Variants in DPP10 observed in about 807,000 individuals in gnomAD.
DPP10 encodes inactive dipeptidyl peptidase 10.
A neutral mutation model predicts 120.9 loss-of-function variants in DPP10; 33 were observed. That is an observed-to-expected ratio of 0.27 (90% CI 0.21 to 0.37). The LOEUF is 0.37. DPP10 is among the 10% of genes least tolerant of loss of function. The pLI, the probability that DPP10 is intolerant of heterozygous loss-of-function variation, is 1.00. For missense variants in DPP10, 816 were observed against 942.8 expected, an observed-to-expected ratio of 0.87 and a Z score of 1.76; for synonymous variants, 337 against 326.1, an observed-to-expected ratio of 1.03 and a Z score of -0.36.
At chr2:114,987,641 T>G (rs1212861740) in intron 1 of DPP10, among the ~76,000 whole-genome samples, 1 of 152,086 alleles carries the variant, frequency 6.6e-6, no homozygotes, top group Non-Finnish European at 1.5e-5. Context: ...ACTCTTACTT[T>G]CGAATGGAAA....
At chr2:115,636,967 C>T (rs2086389469) in intron 5 of DPP10, among the ~76,000 whole-genome samples, 1 of 152,062 alleles carries the variant, frequency 6.6e-6, no homozygotes, top group Non-Finnish European at 1.5e-5. Context: ...CATTAGAAAC[C>T]TAAATACAAT....
At chr2:115,571,003 T>C (rs1283861036) in intron 5 of DPP10, among the ~76,000 whole-genome samples, 1 of 152,124 alleles carries the variant, frequency 6.6e-6, no homozygotes, top group Non-Finnish European at 1.5e-5. Context: ...GTAAATCAGG[T>C]TGTGGAAATG....
chr2:114,607,909 T>C (rs1309906048), intron 1 of DPP10, among the ~76,000 whole-genome samples: 1 of 152,210 alleles, frequency 6.6e-6, no homozygotes, highest in African/African-American at 2.4e-5. Flanking sequence ...CAAGGAAGAA[T>C]CTTGTCCATC....
intron 1 of DPP10, among the ~76,000 whole-genome samples, chr2:114,682,845 A>G (rs1175441437): frequency 6.6e-6 from 1 of 151,600 alleles, no homozygotes; most frequent in East Asian, 1.9e-4. Flanking sequence ...TATAGATTTA[A>G]TATCTCCAAT....
chr2:115,273,931 G>A (rs1159275669), intron 1 of DPP10, among the ~76,000 whole-genome samples: 1 of 152,124 alleles, frequency 6.6e-6, no homozygotes, highest in African/African-American at 2.4e-5. Context: ...TACAGAGTTA[G>A]CCCACTCGTA....
intron 1 of DPP10, among the ~76,000 whole-genome samples, chr2:115,053,033 T>A (rs531959545): frequency 2.0e-5 from 3 of 150,392 alleles, no homozygotes; most frequent in African/African-American, 7.4e-5. Context: ...TTATTGGGAG[T>A]ATAAAATGAT....
intron 7 of DPP10, among the ~76,000 whole-genome samples, chr2:115,697,856 G>T (rs561642559): frequency 6.6e-6 from 1 of 152,184 alleles, no homozygotes; most frequent in African/African-American, 2.4e-5. Flanking sequence ...GTGGTGGCGG[G>T]CGCCTGTAGT....
intron 5 of DPP10, among the ~76,000 whole-genome samples, chr2:115,551,624 A>G (rs958544818): frequency 6.6e-6 from 1 of 152,164 alleles, no homozygotes; most frequent in Admixed American, 6.6e-5. Flanking sequence ...ATAACATGAC[A>G]TTCCAGTTTG....
At position 115,421,796 on chromosome 2, in the gene DPP10, G is replaced by A. The variant is rs372487845; in HGVS notation, c.272-77714G>A. On this transcript the variant is annotated intron_variant, in intron 3 of 25. Transcript: ENST00000410059. ...TGAGGCAGGAGAATCGCTTGAACCC[G>A]GGAAGCAGAGGTTGCAGTGAGCCGA... Among the ~76,000 whole-genome samples, 167 of 146,022 alleles carry A rather than the reference G, an allele frequency of 1.1e-3. 7 individuals carry two copies. The South Asian group carries it at 0.034, about 30-fold the overall frequency.
chr2:114,747,452 A>G (rs1308029218), intron 1 of DPP10, among the ~76,000 whole-genome samples: 1 of 152,202 alleles, frequency 6.6e-6, no homozygotes, highest in African/African-American at 2.4e-5. Flanking sequence ...TCCATCACTT[A>G]GCTGCATTCA....
chr2:115,453,399 G>T (rs2073277298), intron 3 of DPP10, among the ~76,000 whole-genome samples: 1 of 151,154 alleles, frequency 6.6e-6, no homozygotes, highest in Admixed American at 6.6e-5. Context: ...CTGAGATTTT[G>T]CAAAGTCTAT....
At chr2:115,728,885 G>T (rs944026595) in intron 8 of DPP10, among the ~76,000 whole-genome samples, 6 of 152,110 alleles carry the variant, frequency 3.9e-5, no homozygotes, top group South Asian at 2.1e-4. Context: ...GTATATTTAC[G>T]TGAAATATTT....
Position 115,309,233 on chromosome 2 carries a change from C to T in DPP10, c.61-6C>T. 27 of 1,607,582 alleles carry T rather than the reference C, an allele frequency of 1.7e-5. No individual in the cohort carries two copies. Among genetic ancestry groups the T allele is most frequent in the East Asian group, 2.2e-5 (1 of 44,682 alleles). ...AATTACAAAACTTTTTTTTCTATCT[C>T]GGTAGGAACTGGGAAGTAACAGCCC... On this transcript the variant is annotated splice_polypyrimidine_tract_variant and splice_region_variant and intron_variant, in intron 1 of 25. Coordinates refer to ENST00000410059, the MANE Select transcript of DPP10 (RefSeq NM_020868.6).
rs1374992387 is a variant in DPP10 at position 114,990,472 on chromosome 2, T to C, written c.61-318767T>C. 3.3e-5 allele frequency among the ~76,000 whole-genome samples: 5 copies of C among 152,178 alleles called. 1 individual carries two copies. Among genetic ancestry groups the C allele is most frequent in the African/African-American group, 1.2e-4 (5 of 41,462 alleles). ...ATTTTACTGCCTTCATTACCTACAATTTGTTTGTGATTCTCCAGATTCCTT... is the reference window on the plus strand; with the variant it reads ...ATTTTACTGCCTTCATTACCTACAACTTGTTTGTGATTCTCCAGATTCCTT... On this transcript the variant is annotated intron_variant, in intron 1 of 25. Transcript: ENST00000410059.
chr2:115,402,949 G>GTATATA (rs59185016), intron 3 of DPP10, among the ~76,000 whole-genome samples: 50 of 140,978 alleles, frequency 3.5e-4, no homozygotes, highest in African/African-American at 1.3e-3. Flanking sequence ...ATGTGTGTGT[G>GTATATA]TATATATATA....
chr2:114,503,198 A>G (rs1683347401), intron 1 of DPP10, among the ~76,000 whole-genome samples: 1 of 152,180 alleles, frequency 6.6e-6, no homozygotes, highest in African/African-American at 2.4e-5. Flanking sequence ...GACTTACCCA[A>G]CTTTATAAAA....
chr2:114,914,992 G>A lies in DPP10; in HGVS notation c.61-394247G>A, dbSNP rs539396344. Among the ~76,000 whole-genome samples the A allele has an allele frequency of 6.2e-3, 950 of 152,326 alleles. 1 individual carries two copies. The highest frequency in any genetic ancestry group is 0.022 in the African/African-American group (897 of 41,568). On this transcript the variant is annotated intron_variant, in intron 1 of 25. Transcript: ENST00000410059. ...TAAAAATACAAAAAATTAGCCGGGC[G>A]TAGTGGTGGGCGCCTGTAGTCCCAG...
chr2:115,210,154 A>G (rs1199860820), intron 1 of DPP10, among the ~76,000 whole-genome samples: 1 of 152,070 alleles, frequency 6.6e-6, no homozygotes, highest in Non-Finnish European at 1.5e-5. Flanking sequence ...ATATCTCCTA[A>G]TGCTATCCCT....
chr2:115,769,221 A>T (rs1180187594), intron 13 of DPP10, among the ~76,000 whole-genome samples: 1 of 152,068 alleles, frequency 6.6e-6, no homozygotes, highest in Non-Finnish European at 1.5e-5. Flanking sequence ...CTAAACTGGG[A>T]TCTTCATGAG....
Sources: allele counts gnomAD v4.1 joint callset (sites outside exome capture counted in the v4.1 genomes callset), GRCh38; gene constraint gnomAD v4.1.1; transcripts MANE v1.5; gene names NCBI Gene and HGNC (gene_info 2026-07-23, HGNC 2026-07-21).